The following IQCF1 variants were observed in gnomAD, a reference collection of about 807,000 sequenced individuals.
IQCF1 encodes IQ motif containing F1.
Under a neutral mutation model 12.5 loss-of-function variants are expected in IQCF1, and 9 were observed. The ratio of observed to expected loss-of-function variants is 0.72; its 90% CI spans 0.43 to 1.26. The LOEUF is 1.26. IQCF1 is among the 50% of genes most tolerant of loss of function. The pLI is 0.00. For synonymous variants in IQCF1, 67 were observed against 96.2 expected (o/e 0.70, Z 1.78); for missense variants, 252 against 257.4 (o/e 0.98, Z 0.14).
At position 51,895,282 on chromosome 3, in the gene IQCF1, G is replaced by C; in HGVS notation, c.226C>G (p.Gln76Glu). 3 of 1,614,132 alleles carry C rather than the reference G, an allele frequency of 1.9e-6. No individual in the cohort carries two copies. Among genetic ancestry groups the C allele is most frequent in the Non-Finnish European group, 2.5e-6 (3 of 1,179,996 alleles). ...ACCAGGGTGCCCCGCCACCAGGCCT[G>C]GATCTTGGTGGCTACCGTATCTTTG... ...SDKDTVATKI[Q>E]AWWRGTLVRR... Residue 76 changes from glutamine to glutamate, a missense_variant, in exon 4 of 4, where the codon CAG (glutamine) becomes GAG (glutamate). Coordinates refer to ENST00000310914, the MANE Select transcript of IQCF1 (RefSeq NM_152397.3). This position sits in a 1 kb window ranked among gnomAD's most constrained non-coding sequence, Gnocchi z 4.8.
chr3:51,896,693 G>GCGCACACACACACACACA (rs888094846), intron 3 of IQCF1, 139 bp downstream of exon 3: 3 of 653,708 alleles, frequency 4.6e-6, no homozygotes, highest in African/African-American at 1.8e-5. Context: ...TCAAACACGC[G>GCGCACACACACACACACA]CGCACACACA....
intron 2 of IQCF1, among the ~76,000 whole-genome samples, chr3:51,897,941 A>C (rs549789283): frequency 9.8e-5 from 15 of 152,332 alleles, no homozygotes; most frequent in African/African-American, 3.6e-4. Context: ...CTTCCGGGGC[A>C]GGCAAGGCGA....
chr3:51,896,724 C>G (rs1412779333), intron 3 of IQCF1, 108 bp downstream of exon 3: 1 of 840,812 alleles, frequency 1.2e-6, no homozygotes, highest in Non-Finnish European at 2.1e-6. Context: ...CACACACACA[C>G]ACACATACTT....
At chr3:51,898,578 T>C (rs1699039536) in intron 2 of IQCF1, among the ~76,000 whole-genome samples, 1 of 151,764 alleles carries the variant, frequency 6.6e-6, no homozygotes, top group African/African-American at 2.4e-5. Flanking sequence ...GAAACCTCAC[T>C]GTGAACACAC....
In IQCF1 at chr3:51,895,312, A is replaced by G. The variant is rs535427056; in HGVS notation, c.196T>C (p.Ser66Pro). 3.7e-6 allele frequency: 6 copies of G among 1,605,204 alleles called. No homozygotes were observed. Among genetic ancestry groups the G allele is most frequent in the Non-Finnish European group, 5.1e-6 (6 of 1,176,970 alleles). The change falls in exon 4 of 4, where the codon TCT (serine) becomes CCT (proline). Residue 66 changes from serine (S) to proline (P), a missense_variant. Physicochemically the swap from Ser to Pro is moderately conservative, Grantham distance 74. Coordinates refer to ENST00000310914, the MANE Select transcript of IQCF1 (RefSeq NM_152397.3). This position sits in a 1 kb window ranked among gnomAD's most constrained non-coding sequence, Gnocchi z 4.8. ...TTGGTGGCTACCGTATCTTTGTCAG[A>G]GAGCTTCTTTTGGTTTTCTGGGGGC... ...EKPPENQKKL[S>P]DKDTVATKIQ...
Position 51,903,083 on chromosome 3 carries a change from TCTC to T in IQCF1, c.7_9del (p.Glu3del), listed in dbSNP as rs752000909. The T allele has an allele frequency of 6.8e-6, 11 of 1,613,962 alleles. 1 individual carries two copies. Among genetic ancestry groups the T allele is most frequent in the South Asian group, 6.6e-5 (6 of 91,078 alleles). ...GGTTCCTTCGTCTTTTGGGGCTGCT[TCTC>T]CTCCTGCAATCAGCATTAGGGGAAA... On this transcript the variant is annotated inframe_deletion, in exon 2 of 4. Transcript: ENST00000310914.
chr3:51,902,778 G>A (rs753634166), intron 2 of IQCF1: 48 of 581,868 alleles, frequency 8.2e-5, no homozygotes, highest in South Asian at 8.0e-4. Flanking sequence ...CCTTGTCCAA[G>A]TGTGCACTCA....
intron 2 of IQCF1, among the ~76,000 whole-genome samples, chr3:51,897,492 A>C (rs549935234): frequency 2.0e-5 from 3 of 152,226 alleles, no homozygotes; most frequent in Admixed American, 6.5e-5. Context: ...TGGTTCTCCA[A>C]CGTGAGGAGG....
Position 51,895,299 on chromosome 3 carries a change from G to GT in IQCF1, c.208dup (p.Thr70AsnfsTer?). ...CCAGGCCTGGATCTTGGTGGCTACC[G>GT]TATCTTTGTCAGAGAGCTTCTTTTG... On this transcript the variant is annotated frameshift_variant, in exon 4 of 4. Coordinates refer to ENST00000310914, the MANE Select transcript of IQCF1 (RefSeq NM_152397.3). LOFTEE classifies it low-confidence loss of function (END_TRUNC). This position sits in a 1 kb window ranked among gnomAD's most constrained non-coding sequence, Gnocchi z 4.8. 6.2e-7 allele frequency: 1 copy of GT among 1,613,168 alleles called. No individual in the cohort carries two copies. The highest frequency in any genetic ancestry group is 1.1e-5 in the South Asian group (1 of 90,944).
In IQCF1 at chr3:51,903,047, C is replaced by T. The variant is rs762884417; in HGVS notation, c.46G>A (p.Asp16Asn). The T allele has an allele frequency of 4.0e-5, 65 of 1,614,048 alleles. No individual in the cohort carries two copies. Among genetic ancestry groups the T allele is most frequent in the Non-Finnish European group, 5.3e-5 (63 of 1,180,032 alleles). Residue 16 changes from aspartate (D) to asparagine (N), a missense_variant, in exon 2 of 4, where the codon GAT becomes AAT. By Grantham distance (23) the Asp-to-Asn change is conservative. Transcript: ENST00000310914. ...PQKTKEPSKE[D>N]EPQQKEMPTH... ...GGCATCTCCTTCTGCTGAGGCTCAT[C>T]TTCTTTTGAGGGTTCCTTCGTCTTT... is the stretch of plus-strand genomic sequence containing the variant.
intron 2 of IQCF1, 154 bp downstream of exon 2, chr3:51,902,831 C>G: frequency 1.3e-6 from 1 of 743,928 alleles, no homozygotes; most frequent in Non-Finnish European, 2.5e-6. Context: ...ATAGAAGTAC[C>G]TTGCCTTGCT....
At chr3:51,896,981 A>C (rs1252633911) in intron 2 of IQCF1, 87 bp from the exon 3 acceptor site, 16 of 1,033,092 alleles carry the variant, frequency 1.5e-5, no homozygotes. Context: ...TGAGTTCTAA[A>C]TTTCTCTTCA....
At chr3:51,899,007 A>G (rs1699046077) in intron 2 of IQCF1, among the ~76,000 whole-genome samples, 1 of 152,258 alleles carries the variant, frequency 6.6e-6, no homozygotes, top group Non-Finnish European at 1.5e-5. Flanking sequence ...TGGACTGAAC[A>G]GATCTTATTA....
chr3:51,895,220 G>T lies in IQCF1; in HGVS notation c.288C>A (p.Cys96Ter), dbSNP rs1294209628. The change falls in exon 4 of 4, where the codon TGC (cysteine) becomes TGA (stop). Residue 96 changes from cysteine (C) to a stop codon, truncating the protein, a stop_gained. Transcript: ENST00000310914. LOFTEE classifies it low-confidence loss of function (END_TRUNC). This position sits in a 1 kb window ranked among gnomAD's most constrained non-coding sequence, Gnocchi z 4.8. ...RALLHAALSA[C>*]IIQCWWRLIL... is the part of the protein sequence containing the mutation. ...TCAGCCGCCACCAGCACTGAATGAT[G>T]CAGGCACTGAGGGCTGCGTGCAACA... 1 of 1,614,208 alleles carries T rather than the reference G, an allele frequency of 6.2e-7. No homozygotes were observed. The highest frequency in any genetic ancestry group is 8.5e-7 in the Non-Finnish European group (1 of 1,180,048).
chr3:51,896,998 C>A, intron 2 of IQCF1, 104 bp from the exon 3 acceptor site: 1 of 845,996 alleles, frequency 1.2e-6, no homozygotes, highest in Non-Finnish European at 2.0e-6. Flanking sequence ...TTCAAAGAAT[C>A]AGTATGTCAG....
In IQCF1 at chr3:51,895,489, C is replaced by G. The variant is rs931096439; in HGVS notation, c.172-153G>C. Among the ~76,000 whole-genome samples, 1 of 152,208 alleles carries G rather than the reference C, an allele frequency of 6.6e-6. No individual in the cohort carries two copies. Among genetic ancestry groups the G allele is most frequent in the Non-Finnish European group, 1.5e-5 (1 of 68,040 alleles). On this transcript the variant is annotated intron_variant, in intron 3 of 3. Transcript: ENST00000310914. The surrounding 1 kb of genome is among the most constrained non-coding windows in gnomAD (Gnocchi z 4.8). ...AGGGCACTGGCTGGAACCAGAAGAT[C>G]AGGTAGATGTCCTGCCTCTGCCATC...
chr3:51,902,908 A>G (rs1249857360), intron 2 of IQCF1, 77 bp downstream of exon 2: 13 of 1,102,500 alleles, frequency 1.2e-5, no homozygotes, highest in Non-Finnish European at 1.8e-5. Context: ...TTCACTTATA[A>G]CAGCACCATG....
Position 51,895,360 on chromosome 3 carries a change from T to A in IQCF1, c.172-24A>T. 6.3e-7 allele frequency: 1 copy of A among 1,587,410 alleles called. No individual in the cohort carries two copies. The stretch of plus-strand genomic sequence containing the variant: ...GGCTTTCAAGAAAAAAAGAGGGACC[T>A]TCAGAGAATGCTCCCCACTGGCTTC... On this transcript the variant is annotated intron_variant, in intron 3 of 3. Transcript: ENST00000310914. The surrounding 1 kb of genome is among the most constrained non-coding windows in gnomAD (Gnocchi z 4.8).
At chr3:51,896,925 A>G (rs766985173) in intron 2 of IQCF1, 31 bp from the exon 3 acceptor site, 3 of 1,551,922 alleles carry the variant, frequency 1.9e-6, no homozygotes, top group Non-Finnish European at 2.7e-6. Context: ...GAGAACAGAC[A>G]AGATTGAGTT....
Sources: allele counts gnomAD v4.1 joint callset (sites outside exome capture counted in the v4.1 genomes callset), GRCh38; gene constraint gnomAD v4.1.1; non-coding constraint Gnocchi (gnomAD v3.1); transcripts MANE v1.5; gene names NCBI Gene and HGNC (gene_info 2026-07-23, HGNC 2026-07-21).